PCDH9: variants seen among roughly 807,000 people sequenced by gnomAD.
The protein encoded by PCDH9 is protocadherin-9.
A neutral mutation model predicts 70.6 loss-of-function variants in PCDH9; 24 were observed. The ratio of observed to expected loss-of-function variants is 0.34; its 90% CI spans 0.25 to 0.48. The LOEUF (loss-of-function observed/expected upper bound fraction) is 0.48, where lower values mean the gene tolerates loss of function less well. PCDH9 is among the 20% of genes least tolerant of loss of function. The pLI is 0.99. For synonymous variants in PCDH9, 562 were observed against 558.5 expected (o/e 1.01, Z -0.09); for missense variants, 1,281 against 1,503.6 (o/e 0.85, Z 2.45).
At chr13:66,844,482 G>T (rs2081170919) in intron 3 of PCDH9, among the ~76,000 whole-genome samples, 1 of 151,802 alleles carries the variant, frequency 6.6e-6, no homozygotes, top group Non-Finnish European at 1.5e-5. Flanking sequence ...CTACTCAGGA[G>T]TGTGAGGCAG....
intron 4 of PCDH9, among the ~76,000 whole-genome samples, chr13:66,332,941 A>G (rs1955969863): frequency 6.6e-6 from 1 of 152,070 alleles, no homozygotes; most frequent in Non-Finnish European, 1.5e-5. Flanking sequence ...GCTCATTTCA[A>G]TGCAGTTTGA....
chr13:66,305,280 CATAG>C (rs1295103279), intron 4 of PCDH9, among the ~76,000 whole-genome samples: 2 of 151,806 alleles, frequency 1.3e-5, no homozygotes, highest in Admixed American at 6.6e-5. Flanking sequence ...GATCCAAAGA[CATAG>C]ATAGATAAAA....
intron 2 of PCDH9, among the ~76,000 whole-genome samples, chr13:67,064,168 A>T (rs1037195337): frequency 1.3e-5 from 2 of 152,156 alleles, no homozygotes; most frequent in Non-Finnish European, 2.9e-5. Context: ...ATTAGAAAAC[A>T]GTAGACTGGA....
intron 3 of PCDH9, among the ~76,000 whole-genome samples, chr13:66,773,924 A>G (rs1229970033): frequency 6.6e-6 from 1 of 151,306 alleles, no homozygotes; most frequent in African/African-American, 2.4e-5. Flanking sequence ...ATTACAGGAA[A>G]CTGCCACCAA....
chr13:66,964,194 T>C (rs2083395470), intron 2 of PCDH9, among the ~76,000 whole-genome samples: 2 of 151,978 alleles, frequency 1.3e-5, no homozygotes, highest in Non-Finnish European at 2.9e-5. Flanking sequence ...AATATTATTC[T>C]CTATAACTTT....
At chr13:67,081,860 C>T (rs2085990164) in intron 2 of PCDH9, among the ~76,000 whole-genome samples, 1 of 152,004 alleles carries the variant, frequency 6.6e-6, no homozygotes, top group African/African-American at 2.4e-5. Context: ...AACTATTTTT[C>T]TTTATTCAAT....
At chr13:66,305,135 A>C in intron 4 of PCDH9, 107 bp from the exon 5 acceptor site, 1 of 986,122 alleles carries the variant, frequency 1.0e-6, no homozygotes, top group East Asian at 2.6e-5. Context: ...TTTTTCATAA[A>C]AGTGTATCAA....
At chr13:67,155,778 A>G (rs892409175) in intron 2 of PCDH9, among the ~76,000 whole-genome samples, 1 of 151,992 alleles carries the variant, frequency 6.6e-6, no homozygotes, top group Non-Finnish European at 1.5e-5. Flanking sequence ...TGGGAATAAT[A>G]ATAATAATTA....
At chr13:66,959,620 A>C (rs2083313498) in intron 2 of PCDH9, among the ~76,000 whole-genome samples, 2 of 151,796 alleles carry the variant, frequency 1.3e-5, no homozygotes, top group Admixed American at 1.3e-4. Flanking sequence ...GTGTGGTGGC[A>C]CACACTTGTA....
In PCDH9 at chr13:66,841,289, T is replaced by C. The variant is rs183730681; in HGVS notation, c.3138+62215A>G. ...TATAAAAGTCTTCTTGACAAACATATGTATGAAAAAATCAGGGATCGTTCT... is the reference window on the plus strand; with the variant it reads ...TATAAAAGTCTTCTTGACAAACATACGTATGAAAAAATCAGGGATCGTTCT... On this transcript the variant is annotated intron_variant, in intron 3 of 4. Transcript: ENST00000377865. 1.9e-3 allele frequency among the ~76,000 whole-genome samples: 285 copies of C among 152,264 alleles called. 2 individuals carry two copies. The highest frequency in any genetic ancestry group is 2.0e-3 in the Non-Finnish European group (133 of 68,022).
intron 4 of PCDH9, among the ~76,000 whole-genome samples, chr13:66,308,619 T>A (rs1955510811): frequency 6.6e-6 from 1 of 151,976 alleles, no homozygotes; most frequent in Non-Finnish European, 1.5e-5. Context: ...AAACTGGAGC[T>A]CTAGGGGACA....
At chr13:67,125,983 T>C (rs1489613963) in intron 2 of PCDH9, among the ~76,000 whole-genome samples, 3 of 152,170 alleles carry the variant, frequency 2.0e-5, no homozygotes, top group African/African-American at 7.2e-5. Context: ...CTTAATTGTA[T>C]ACTTTAAATG....
chr13:66,683,916 T>C (rs78763581), intron 3 of PCDH9, among the ~76,000 whole-genome samples: 2,592 of 152,280 alleles, frequency 0.017, 86 homozygotes, highest in African/African-American at 0.059. Context: ...TACTCCCTCA[T>C]ATAATTTATT....
intron 4 of PCDH9, among the ~76,000 whole-genome samples, chr13:66,393,653 C>A (rs1225320531): frequency 6.6e-6 from 1 of 152,118 alleles, no homozygotes; most frequent in Non-Finnish European, 1.5e-5. Flanking sequence ...AACTTCTGCA[C>A]AAGAAGCCCA....
intron 4 of PCDH9, among the ~76,000 whole-genome samples, chr13:66,484,059 A>G (rs961679876): frequency 6.6e-6 from 1 of 152,142 alleles, no homozygotes; most frequent in South Asian, 2.1e-4. Context: ...GGGGAAAACC[A>G]TCTCCCTTCT....
At position 67,115,111 on chromosome 13, in the gene PCDH9, C is replaced by T. The variant is rs146973907; in HGVS notation, c.3036+110294G>A. On this transcript the variant is annotated intron_variant, in intron 2 of 4. Coordinates refer to ENST00000377865, the MANE Select transcript of PCDH9 (RefSeq NM_203487.3). ...TTTCAACTAATTTGGATTGACCACA[C>T]GCTAATCTCCCAATGCTATAGAATC... is the stretch of plus-strand genomic sequence containing the variant. Among the ~76,000 whole-genome samples the T allele has an allele frequency of 7.8e-3, 1,187 of 152,192 alleles. 7 individuals carry two copies. Among genetic ancestry groups the T allele is most frequent in the Non-Finnish European group, 0.01 (685 of 68,016 alleles).
intron 2 of PCDH9, among the ~76,000 whole-genome samples, chr13:66,998,474 T>G (rs955506311): frequency 6.6e-6 from 1 of 152,106 alleles, no homozygotes; most frequent in Non-Finnish European, 1.5e-5. Context: ...CCAACCTGAG[T>G]GTGTGTGTGT....
chr13:66,975,190 C>G (rs950313891), intron 2 of PCDH9, among the ~76,000 whole-genome samples: 1 of 151,934 alleles, frequency 6.6e-6, no homozygotes, highest in African/African-American at 2.4e-5. Flanking sequence ...TAGGCCATGT[C>G]ATAGAAAGCA....
chr13:67,106,737 A>C (rs1594520286), intron 2 of PCDH9, among the ~76,000 whole-genome samples: 1 of 152,094 alleles, frequency 6.6e-6, no homozygotes, highest in South Asian at 2.1e-4. Flanking sequence ...GGCCTGGGAA[A>C]CCCTTCTGCC....
Sources: gnomAD v4.1 joint callset for allele counts (sites outside exome capture counted in the v4.1 genomes callset) on GRCh38, gnomAD v4.1.1 for gene constraint, MANE v1.5 for transcripts, NCBI Gene and HGNC (gene_info 2026-07-23, HGNC 2026-07-21) for gene names.